The following DECR1 variants were observed in gnomAD, a reference collection of about 807,000 sequenced individuals.
DECR1 encodes 2,4-dienoyl-CoA reductase [(3E)-enoyl-CoA-producing], mitochondrial.
In DECR1, 44 loss-of-function variants were observed where a neutral mutation model predicts 38.8. That is an observed-to-expected ratio of 1.13 (90% confidence interval 0.89 to 1.46). DECR1 has a LOEUF of 1.46. Among genes scored for constraint, DECR1 ranks in the 40% most tolerant of loss-of-function variants. DECR1 has a pLI of 0.00. For synonymous variants in DECR1, 148 were observed against 135.2 expected (o/e 1.09, Z -0.66); for missense variants, 428 against 405.5 (o/e 1.06, Z -0.48).
chr8:90,014,914 G>T (rs775486083), intron 1 of DECR1, among the ~76,000 whole-genome samples: 19 of 152,250 alleles, frequency 1.2e-4, no homozygotes, highest in Middle Eastern at 6.8e-3. Context: ...TGTAGAAAAA[G>T]ATTATTGTAG....
rs147670454 is a variant in DECR1 at position 90,001,504 on chromosome 8, G to A, written c.12G>A (p.Pro4=). 2 of 1,614,060 alleles carry A rather than the reference G, an allele frequency of 1.2e-6. No homozygotes were observed. The highest frequency in any genetic ancestry group is 1.3e-5 in the African/African-American group (1 of 75,066). Reference sequence around the variant, plus strand: ...TCTGGAGACTCAACATGAAGCTACCGGCCAGGGTTTTCTTTACTCTGGGGT... The same window carrying A: ...TCTGGAGACTCAACATGAAGCTACCAGCCAGGGTTTTCTTTACTCTGGGGT... The part of the protein sequence containing the change: MKL[P]ARVFFTLGSR... The change falls in exon 1 of 10, where the codon CCG becomes CCA. Residue 4 remains proline, a synonymous_variant. Transcript: ENST00000220764.
intron 1 of DECR1, among the ~76,000 whole-genome samples, chr8:90,010,208 C>T (rs1290682029): frequency 6.6e-6 from 1 of 152,198 alleles, no homozygotes; most frequent in Non-Finnish European, 1.5e-5. Context: ...AAGCAATCTA[C>T]ACAGTCATGG....
chr8:90,038,262 A>G (rs78770928), intron 6 of DECR1, among the ~76,000 whole-genome samples: 1 of 151,862 alleles, frequency 6.6e-6, no homozygotes, highest in Admixed American at 6.6e-5. Context: ...GCTGAGTTAT[A>G]TTGTTGTTGG....
chr8:90,042,424 G>C (rs1203238318), intron 6 of DECR1: 1 of 274,754 alleles, frequency 3.6e-6, no homozygotes, highest in African/African-American at 2.2e-5. Flanking sequence ...CAAATGGTAG[G>C]TGGTGTAGCA....
intron 1 of DECR1, among the ~76,000 whole-genome samples, chr8:90,010,974 C>T (rs767847237): frequency 1.8e-4 from 27 of 152,034 alleles, no homozygotes; most frequent in Non-Finnish European, 3.5e-4. Flanking sequence ...ACATGTTGAA[C>T]ATTCAAGCAA....
chr8:90,042,729 T>G lies in DECR1; in HGVS notation c.667T>G (p.Ser223Ala). Residue 223 changes from serine (S) to alanine (A), a missense_variant and splice_region_variant, in exon 7 of 10, where the codon TCT becomes GCT. Transcript: ENST00000220764. The part of the protein sequence containing the change: ...AKAGVEAMSK[S>A]LAAEWGKYGM... ...TATGTTGTTGATTTTAATTTTTAGG[T>G]CTCTTGCAGCTGAATGGGGTAAATA... 1 of 1,612,970 alleles carries G rather than the reference T, an allele frequency of 6.2e-7. No homozygotes were observed. The highest frequency in any genetic ancestry group is 8.5e-7 in the Non-Finnish European group (1 of 1,179,216).
At chr8:90,006,224 C>T in intron 1 of DECR1, 1 of 704,062 alleles carries the variant, frequency 1.4e-6, no homozygotes, top group Non-Finnish European at 2.6e-6. Flanking sequence ...CTGAACTTCT[C>T]ACAGTAGGGA....
chr8:90,048,312 G>A (rs1280492261), intron 8 of DECR1, among the ~76,000 whole-genome samples: 2 of 151,950 alleles, frequency 1.3e-5, no homozygotes, highest in Non-Finnish European at 2.9e-5. Flanking sequence ...GAAGAAAAGA[G>A]TGAAGAATCA....
chr8:90,027,367 G>A (rs139274991), intron 5 of DECR1, among the ~76,000 whole-genome samples: 6,505 of 152,168 alleles, frequency 0.043, 283 homozygotes, highest in East Asian at 0.19. Context: ...ACATCTCTTT[G>A]TAGGTCTCTA....
intron 6 of DECR1, among the ~76,000 whole-genome samples, chr8:90,038,663 A>T (rs907014279): frequency 3.9e-5 from 6 of 151,996 alleles, no homozygotes; most frequent in Non-Finnish European, 8.8e-5. Context: ...TCCTCCATTA[A>T]CGTAACATTA....
chr8:90,047,596 C>T lies in DECR1; in HGVS notation c.885+2601C>T, dbSNP rs186710279. On this transcript the variant is annotated intron_variant, in intron 8 of 9. Coordinates refer to ENST00000220764, the MANE Select transcript of DECR1 (RefSeq NM_001359.2). ...ACACAATAATAATGGGAGACTTTAA[C>T]GCCCCACTGTCAATATTAGACAGAA... Among the ~76,000 whole-genome samples, 410 of 152,264 alleles carry T rather than the reference C, an allele frequency of 2.7e-3. 3 individuals carry two copies. The highest frequency in any genetic ancestry group is 9.5e-3 in the African/African-American group (394 of 41,530).
chr8:90,019,299 C>T (rs1813090812), intron 4 of DECR1, 127 bp downstream of exon 4: 2 of 737,528 alleles, frequency 2.7e-6, no homozygotes, highest in East Asian at 2.7e-5. Flanking sequence ...GGGGCTTAGC[C>T]TGGGAAGGTT....
chr8:90,032,221 G>GTA (rs1382017436), intron 5 of DECR1, among the ~76,000 whole-genome samples: 1 of 152,028 alleles, frequency 6.6e-6, no homozygotes. Flanking sequence ...GGACTGAAGT[G>GTA]TATATGTTCA....
chr8:90,009,383 C>A (rs912915033), intron 1 of DECR1, among the ~76,000 whole-genome samples: 1 of 152,168 alleles, frequency 6.6e-6, no homozygotes, highest in Non-Finnish European at 1.5e-5. Context: ...TATCCCTATT[C>A]TCTGCCTTAT....
At chr8:90,029,094 C>A (rs1813427822) in intron 5 of DECR1, among the ~76,000 whole-genome samples, 1 of 151,980 alleles carries the variant, frequency 6.6e-6, no homozygotes, top group East Asian at 1.9e-4. Flanking sequence ...GGAACTGTGA[C>A]TTTTTATTGT....
At chr8:90,049,156 T>C (rs954905497) in intron 8 of DECR1, among the ~76,000 whole-genome samples, 1 of 152,136 alleles carries the variant, frequency 6.6e-6, no homozygotes, top group African/African-American at 2.4e-5. Flanking sequence ...CTATTCAACA[T>C]AGTGTTGGAA....
intron 6 of DECR1, chr8:90,042,480 A>G: frequency 2.0e-6 from 1 of 507,542 alleles, no homozygotes; most frequent in Non-Finnish European, 3.5e-6. Flanking sequence ...TGTACAGTAG[A>G]GTGACTAAGG....
At chr8:90,026,222 A>G (rs1813332978) in intron 5 of DECR1, among the ~76,000 whole-genome samples, 1 of 152,204 alleles carries the variant, frequency 6.6e-6, no homozygotes, top group African/African-American at 2.4e-5. Context: ...TGGTATCAGG[A>G]TGATACTGGC....
intron 8 of DECR1, among the ~76,000 whole-genome samples, chr8:90,047,613 T>TA (rs1287812694): frequency 1.3e-5 from 2 of 152,112 alleles, no homozygotes; most frequent in African/African-American, 4.8e-5. Flanking sequence ...CTGTCAATAT[T>TA]AGACAGAACA....
Sources: gnomAD v4.1 joint callset for allele counts (sites outside exome capture counted in the v4.1 genomes callset) on GRCh38, gnomAD v4.1.1 for gene constraint, MANE v1.5 for transcripts, NCBI Gene and HGNC (gene_info 2026-07-23, HGNC 2026-07-21) for gene names.